The following CELSR3 variants were observed in gnomAD, a reference collection of about 807,000 sequenced individuals.
CELSR3 encodes the protein EGF-like protein 1.
Under a neutral mutation model 270.0 loss-of-function variants are expected in CELSR3, and 73 were observed. The ratio of observed to expected loss-of-function variants is 0.27; its 90% CI spans 0.22 to 0.33. CELSR3 has a LOEUF of 0.33. Ranked by LOEUF, CELSR3 falls within the 10% of genes least tolerant of loss-of-function variation. The pLI is 1.00. For synonymous variants in CELSR3, 1,780 were observed against 1,905.4 expected (o/e 0.93, Z 1.71); for missense variants, 3,614 against 4,533.8 (o/e 0.80, Z 5.83).
chr3:48,645,679 T>C lies in CELSR3; in HGVS notation c.7591-30A>G, dbSNP rs772388272. On this transcript the variant is annotated intron_variant, in intron 23 of 34. Coordinates refer to ENST00000164024, the MANE Select transcript of CELSR3 (RefSeq NM_001407.3). The surrounding 1 kb of genome is among the most constrained non-coding windows in gnomAD (Gnocchi z 5.4). ...AGAGACAGGGATGGTTGATGGGTTG[T>C]TGGGCAGAATCCCCGTGTCCCTTTG... 45 of 1,601,942 alleles carry C rather than the reference T, an allele frequency of 2.8e-5. No individual in the cohort carries two copies. Among genetic ancestry groups the C allele is most frequent in the Admixed American group, 1.5e-4 (9 of 59,762 alleles).
Position 48,646,635 on chromosome 3 carries a change from G to C in CELSR3, c.7295+128C>G, listed in dbSNP as rs374335005. ...AGAGAATAAGATTCACACAGAACCC[G>C]GCAAGGATGGGGCTCCCTGGAGCTG... On this transcript the variant is annotated intron_variant, in intron 21 of 34. Coordinates refer to ENST00000164024, the MANE Select transcript of CELSR3 (RefSeq NM_001407.3). The surrounding 1 kb of genome is among the most constrained non-coding windows in gnomAD (Gnocchi z 4.8). The C allele has an allele frequency of 1.0e-6, 1 of 972,290 alleles. No individual in the cohort carries two copies. Among genetic ancestry groups the C allele is most frequent in the African/African-American group, 1.7e-5 (1 of 60,592 alleles). 60.2% of individuals were successfully genotyped at this position (972,290 alleles called of 1,614,324 possible).
At chr3:48,643,323 G>T in intron 28 of CELSR3, 1 of 664,742 alleles carries the variant, frequency 1.5e-6, no homozygotes, top group Non-Finnish European at 2.5e-6. Flanking sequence ...TGGTGTTGGT[G>T]AAGGTCGATC....
intron 17 of CELSR3, 22 bp downstream of exon 17, chr3:48,649,099 G>A: frequency 6.2e-7 from 1 of 1,604,230 alleles, no homozygotes; most frequent in Non-Finnish European, 8.5e-7. Flanking sequence ...TAGGTTGCAG[G>A]AAAAGGTCTG....
chr3:48,655,630 C>A lies in CELSR3; in HGVS notation c.4741+106G>T. ...AGCTAGGTCTTCAGGGCTTGCATGGCGTGGAGTGTGTGCTCAGGTGCACAG... is the reference window on the plus strand; with the variant it reads ...AGCTAGGTCTTCAGGGCTTGCATGGAGTGGAGTGTGTGCTCAGGTGCACAG... On this transcript the variant is annotated intron_variant, in intron 4 of 34. Coordinates refer to ENST00000164024, the MANE Select transcript of CELSR3 (RefSeq NM_001407.3). The surrounding 1 kb of genome is among the most constrained non-coding windows in gnomAD (Gnocchi z 5.8). The A allele has an allele frequency of 9.8e-7, 1 of 1,024,028 alleles. No homozygotes were observed. The allele number at this position is 1,024,028 out of a possible 1,614,324, so 63.4% of individuals were successfully genotyped here. A position where few individuals can be genotyped will look rare whatever the true frequency, so the allele number is the denominator to read the frequency against.
In CELSR3 at chr3:48,660,162, G is replaced by A. The variant is rs151323847; in HGVS notation, c.2473C>T (p.Arg825Cys). 2.2e-5 allele frequency: 36 copies of A among 1,614,104 alleles called. No homozygotes were observed. Among genetic ancestry groups the A allele is most frequent in the East Asian group, 1.8e-4 (8 of 44,886 alleles). The change falls in exon 1 of 35, where the codon CGC becomes TGC. Residue 825 changes from arginine (R) to cysteine (C), a missense_variant. By Grantham distance (180) the Arg-to-Cys change is radical. Transcript: ENST00000164024. The surrounding 1 kb of genome is among the most constrained non-coding windows in gnomAD (Gnocchi z 5.5). ...LALPLDYKQERYFKLVLTASD... is the reference protein window; with the variant it reads ...LALPLDYKQECYFKLVLTASD... Reference sequence around the variant, plus strand: ...GCAGTTAGTACCAGCTTGAAGTAGCGTTCCTGCTTGTAGTCCAGTGGCAGA... The same window carrying A: ...GCAGTTAGTACCAGCTTGAAGTAGCATTCCTGCTTGTAGTCCAGTGGCAGA...
chr3:48,654,959 A>C lies in CELSR3; in HGVS notation c.4988+85T>G. 1.5e-6 allele frequency: 2 copies of C among 1,354,216 alleles called. No homozygotes were observed. Among genetic ancestry groups the C allele is most frequent in the Non-Finnish European group, 2.1e-6 (2 of 949,756 alleles). 83.9% of individuals were successfully genotyped at this position (1,354,216 alleles called of 1,614,324 possible). On this transcript the variant is annotated intron_variant, in intron 6 of 34. Transcript: ENST00000164024. The surrounding 1 kb of genome is among the most constrained non-coding windows in gnomAD (Gnocchi z 5.4). ...TGGGGGAAAGATGGGAGAGTTTGGC[A>C]GGATGGGATGAGGAATGGGATGTGA...
chr3:48,642,607 G>C lies in CELSR3; in HGVS notation c.8555+129C>G. 6.9e-7 allele frequency: 1 copy of C among 1,444,362 alleles called. No individual in the cohort carries two copies. Among genetic ancestry groups the C allele is most frequent in the South Asian group, 1.3e-5 (1 of 75,328 alleles). 89.5% of individuals were successfully genotyped at this position (1,444,362 alleles called of 1,614,324 possible). Reference sequence around the variant, plus strand: ...TGTGGTGGGAAGCATTTAGGGCAGAGGCAGAAGCAGGGCCCCAGATGGCCA... The same window carrying C: ...TGTGGTGGGAAGCATTTAGGGCAGACGCAGAAGCAGGGCCCCAGATGGCCA... On this transcript the variant is annotated intron_variant, in intron 30 of 34. Coordinates refer to ENST00000164024, the MANE Select transcript of CELSR3 (RefSeq NM_001407.3). This position sits in a 1 kb window ranked among gnomAD's most constrained non-coding sequence, Gnocchi z 6.1.
rs1382581550 is a variant in CELSR3 at position 48,656,847 on chromosome 3, G to C, written c.4250C>G (p.Ala1417Gly). Residue 1417 changes from alanine (A) to glycine (G), a missense_variant, in exon 2 of 35, where the codon GCT becomes GGT. Ala to Gly is a moderately conservative substitution (Grantham distance 60). Around this residue, in one of 7 missense-constraint regions of CELSR3, gnomAD observed 1,331 missense variants for 1,933.7 expected, o/e 0.69. Coordinates refer to ENST00000164024, the MANE Select transcript of CELSR3 (RefSeq NM_001407.3). ...GGGCGGGCAGCGGCAGCGCAGGCCAGCGATGGGCTGGATGGGTCGGAACAG... is the reference window on the plus strand; with the variant it reads ...GGGCGGGCAGCGGCAGCGCAGGCCACCGATGGGCTGGATGGGTCGGAACAG... ...STLFRPIQPI[A>G]GLRCRCPPGF... is the part of the protein sequence containing the mutation. 6.2e-7 allele frequency: 1 copy of C among 1,609,278 alleles called. No individual in the cohort carries two copies. The highest frequency in any genetic ancestry group is 8.5e-7 in the Non-Finnish European group (1 of 1,177,748).
intron 19 of CELSR3, 28 bp downstream of exon 19, chr3:48,648,238 G>GGGCCCCCCCCCCCC: frequency 7.4e-7 from 1 of 1,342,616 alleles, no homozygotes. Context: ...CCCCTGCTGT[G>GGGCCCCCCCCCCCC]CCCCGCCCTA....
rs953036296 is a variant in CELSR3, at chr3:48,644,589, A to G, written c.8085+127T>C. On this transcript the variant is annotated intron_variant, in intron 26 of 34. Coordinates refer to ENST00000164024, the MANE Select transcript of CELSR3 (RefSeq NM_001407.3). The surrounding 1 kb of genome is among the most constrained non-coding windows in gnomAD (Gnocchi z 4.8). ...GGGGTGGCTACTGACCAGAGGACAG[A>G]AAAAATGAAGGCCGAGCCCAGGAAG... 18 of 767,492 alleles carry G rather than the reference A, an allele frequency of 2.3e-5. No homozygotes were observed. The highest frequency in any genetic ancestry group is 9.8e-5 in the Admixed American group (4 of 40,900). 47.5% of individuals were successfully genotyped at this position (767,492 alleles called of 1,614,324 possible). A position where few individuals can be genotyped will look rare whatever the true frequency, so the allele number is the denominator to read the frequency against.
At position 48,654,077 on chromosome 3, in the gene CELSR3, T is replaced by G; in HGVS notation, c.5153-74A>C. The G allele has an allele frequency of 6.3e-7, 1 of 1,578,282 alleles. No individual in the cohort carries two copies. Among genetic ancestry groups the G allele is most frequent in the South Asian group, 1.1e-5 (1 of 88,658 alleles). ...ACAAGTGCTGGACAGGACTTTAGTG[T>G]CCAGAGGGGCTGAAAGAGACCAAGA... On this transcript the variant is annotated intron_variant, in intron 7 of 34. Transcript: ENST00000164024. This position sits in a 1 kb window ranked among gnomAD's most constrained non-coding sequence, Gnocchi z 5.4.
Position 48,656,358 on chromosome 3 carries a change from G to A in CELSR3, c.4407C>T (p.Asp1469=). Reference sequence around the variant, plus strand: ...GGCCGGCCTCGGTGTCCAGCTCGCAGTCCTCTCCTGGGGGCCAAGCCGCGG... The same window carrying A: ...GGCCGGCCTCGGTGTCCAGCTCGCAATCCTCTCCTGGGGGCCAAGCCGCGG... The part of the protein sequence containing the change: ...CVCRPRFTGE[D]CELDTEAGRC... Residue 1469 remains aspartate (D), a synonymous_variant, in exon 3 of 35, where the codon GAC becomes GAT. Coordinates refer to ENST00000164024, the MANE Select transcript of CELSR3 (RefSeq NM_001407.3). The A allele has an allele frequency of 2.8e-6, 4 of 1,422,844 alleles. No individual in the cohort carries two copies. The highest frequency in any genetic ancestry group is 3.6e-6 in the Non-Finnish European group (4 of 1,102,858). The allele number at this position is 1,422,844 out of a possible 1,614,324, so 88.1% of individuals were successfully genotyped here. A position where few individuals can be genotyped will look rare whatever the true frequency, so the allele number is the denominator to read the frequency against.
In CELSR3 at chr3:48,655,702, C is replaced by A; in HGVS notation, c.4741+34G>T. ...TGGGCCCTGCGTCCTCCAGCACACA[C>A]GCACCCTTTCGCCGTCACATCCGGG... On this transcript the variant is annotated intron_variant, in intron 4 of 34. Transcript: ENST00000164024. The surrounding 1 kb of genome is among the most constrained non-coding windows in gnomAD (Gnocchi z 5.8). 3.2e-6 allele frequency: 5 copies of A among 1,569,562 alleles called. No homozygotes were observed. Among genetic ancestry groups the A allele is most frequent in the Non-Finnish European group, 4.4e-6 (5 of 1,139,936 alleles).
chr3:48,643,311 C>T, intron 28 of CELSR3: 1 of 638,948 alleles, frequency 1.6e-6, no homozygotes, highest in Admixed American at 3.0e-5. Context: ...GGTCGGGAGC[C>T]TTGGTGTTGG....
Position 48,659,331 on chromosome 3 carries a change from T to A in CELSR3, c.3304A>T (p.Ile1102Leu), listed in dbSNP as rs562942219. Reference sequence around the variant, plus strand: ...TTCCCCTCCACGATCTGGTACATTATATGGGCATTGGGGCCTTCGTCAGGG... The same window carrying A: ...TTCCCCTCCACGATCTGGTACATTAAATGGGCATTGGGGCCTTCGTCAGGG... The part of the protein sequence containing the change: ...VDPDEGPNAH[I>L]MYQIVEGNIP... Residue 1102 changes from isoleucine to leucine, a missense_variant, in exon 1 of 35, where the codon ATA becomes TTA. By Grantham distance (5) the Ile-to-Leu change is conservative (BLOSUM62 2). This residue lies in a region of CELSR3 where 1,331 missense variants were observed against 1,933.7 expected (regional missense o/e 0.69). Transcript: ENST00000164024. This position sits in a 1 kb window ranked among gnomAD's most constrained non-coding sequence, Gnocchi z 8.1. The A allele has an allele frequency of 1.1e-5, 18 of 1,614,156 alleles. 1 individual carries two copies. The East Asian group carries it at 1.3e-4, about 12-fold the overall frequency.
intron 2 of CELSR3, 53 bp downstream of exon 2, chr3:48,656,645 G>T (rs763982762): frequency 1.4e-4 from 204 of 1,441,396 alleles, no homozygotes; most frequent in Non-Finnish European, 1.7e-4. Flanking sequence ...TTGTGGTCCC[G>T]CCCCCAGCCT....
rs2077056295 is a variant in CELSR3, at chr3:48,660,345, G to T, written c.2290C>A (p.Arg764=). The T allele has an allele frequency of 1.9e-6, 3 of 1,614,016 alleles. No homozygotes were observed. The highest frequency in any genetic ancestry group is 2.5e-6 in the Non-Finnish European group (3 of 1,180,050). ...CCCACAGCTGCATCCTCATTCAGTC[G>T]TAGGTGGTACTCCTTCATTGTGAAC... The part of the protein sequence containing the change: ...PEFTMKEYHL[R]LNEDAAVGTS... The change falls in exon 1 of 35, where the codon CGA becomes AGA. Residue 764 remains arginine (R), a synonymous_variant. Transcript: ENST00000164024. This position sits in a 1 kb window ranked among gnomAD's most constrained non-coding sequence, Gnocchi z 5.5.
In CELSR3 at chr3:48,650,273, A is replaced by C; in HGVS notation, c.6472+207T>G. 1 of 662,820 alleles carries C rather than the reference A, an allele frequency of 1.5e-6. No individual in the cohort carries two copies. Among genetic ancestry groups the C allele is most frequent in the Non-Finnish European group, 2.8e-6 (1 of 360,184 alleles). 41.1% of individuals were successfully genotyped at this position (662,820 alleles called of 1,614,324 possible). On this transcript the variant is annotated intron_variant, in intron 16 of 34. Transcript: ENST00000164024. This position sits in a 1 kb window ranked among gnomAD's most constrained non-coding sequence, Gnocchi z 5.1. The stretch of plus-strand genomic sequence containing the variant: ...GCACCTGAGCAAACACGTACCCCTT[A>C]CCTGCACCCCGCAATCCTGCCCAGA...
chr3:48,660,411 C>T lies in CELSR3; in HGVS notation c.2224G>A (p.Val742Ile). The T allele has an allele frequency of 6.2e-7, 1 of 1,614,116 alleles. No individual in the cohort carries two copies. Among genetic ancestry groups the T allele is most frequent in the South Asian group, 1.1e-5 (1 of 91,080 alleles). ...GSPPLSASASVTVTVLDVNDN... is the reference protein window; with the variant it reads ...GSPPLSASASITVTVLDVNDN... ...TTAACGTCCAGCACAGTCACGGTGACACTGGCTGAGGCAGAGAGTGGGGGT... is the reference window on the plus strand; with the variant it reads ...TTAACGTCCAGCACAGTCACGGTGATACTGGCTGAGGCAGAGAGTGGGGGT... Residue 742 changes from valine to isoleucine, a missense_variant, in exon 1 of 35, where the codon GTC becomes ATC. This residue lies in a region of CELSR3 where 215 missense variants were observed against 241.2 expected (regional missense o/e 0.89). Transcript: ENST00000164024. This position sits in a 1 kb window ranked among gnomAD's most constrained non-coding sequence, Gnocchi z 5.5.
Sources: gnomAD v4.1 joint callset for allele counts on GRCh38, gnomAD v4.1.1 for gene constraint, gnomAD v4.1.1 regional missense constraint, Gnocchi (gnomAD v3.1) non-coding constraint, MANE v1.5 for transcripts, NCBI Gene and HGNC (gene_info 2026-07-23, HGNC 2026-07-21) for gene names.